Variants in ITSN1 observed in about 807,000 individuals in gnomAD.
ITSN1 encodes the protein intersectin 1.
In ITSN1, 58 loss-of-function variants were observed where a neutral mutation model predicts 239.8. The observed-to-expected ratio is 0.24, with a 90% CI of 0.20 to 0.30. The LOEUF (loss-of-function observed/expected upper bound fraction) is 0.30. Ranked by LOEUF, ITSN1 falls within the 10% of genes least tolerant of loss-of-function variation. The pLI is 1.00. For synonymous variants in ITSN1, 780 were observed against 770.8 expected (o/e 1.01, Z -0.20); for missense variants, 1,558 against 2,103.3 (o/e 0.74, Z 5.07).
chr21:33,663,695 C>T (rs2089723051), intron 1 of ITSN1, among the ~76,000 whole-genome samples: 1 of 152,166 alleles, frequency 6.6e-6, no homozygotes, highest in African/African-American at 2.4e-5. Flanking sequence ...CTCCACCTCC[C>T]AGGTTCAAGC....
chr21:33,710,655 G>A (rs149839095), intron 1 of ITSN1, among the ~76,000 whole-genome samples: 4 of 151,380 alleles, frequency 2.6e-5, no homozygotes, highest in Non-Finnish European at 5.9e-5. Context: ...TGAGGTTTTG[G>A]TATTATAGTT....
intron 1 of ITSN1, among the ~76,000 whole-genome samples, chr21:33,684,949 G>C (rs2091164868): frequency 6.6e-6 from 1 of 152,094 alleles, no homozygotes; most frequent in African/African-American, 2.4e-5. Flanking sequence ...TTTTCTTTCT[G>C]TCTAACCTTT....
chr21:33,765,829 A>T, intron 9 of ITSN1, 46 bp from the exon 10 acceptor site: 6 of 1,605,072 alleles, frequency 3.7e-6, no homozygotes, highest in Non-Finnish European at 5.1e-6. Context: ...AGTAAAAAGC[A>T]TGAATTTTCA....
chr21:33,859,249 T>G (rs1386807157), intron 31 of ITSN1, among the ~76,000 whole-genome samples: 1 of 152,190 alleles, frequency 6.6e-6, no homozygotes, highest in Non-Finnish European at 1.5e-5. Context: ...TCAGGATCAC[T>G]CCGGGAAGCT....
chr21:33,796,777 A>G (rs1199327098), intron 17 of ITSN1, among the ~76,000 whole-genome samples: 2 of 152,248 alleles, frequency 1.3e-5, no homozygotes, highest in Non-Finnish European at 1.5e-5. Context: ...AGTTTCATTT[A>G]AAGTATTTTC....
chr21:33,838,320 TCTC>T (rs1384082399), intron 29 of ITSN1: 2 of 985,250 alleles, frequency 2.0e-6, no homozygotes, highest in Admixed American at 6.1e-5. Context: ...TAGAGGTCCT[TCTC>T]CTTTCACATG....
intron 7 of ITSN1, among the ~76,000 whole-genome samples, 184 bp from the exon 8 acceptor site, chr21:33,755,113 T>C (rs1034533417): frequency 6.6e-6 from 1 of 152,180 alleles, no homozygotes; most frequent in Admixed American, 6.5e-5. Context: ...GGGAAATGTT[T>C]ATGATCTTAA....
rs1167257669 is a variant in ITSN1 at position 33,770,845 on chromosome 21, C to T, written c.1043-1216C>T. Among the ~76,000 whole-genome samples the T allele has an allele frequency of 1.7e-4, 25 of 150,004 alleles. No individual in the cohort carries two copies. The Admixed American group carries it at 1.7e-3, about 10-fold the overall frequency. ...GTGGCGCAATCTTGTCTCACTGCAA[C>T]CTCTGCCTCTCAGCTTTAAGCGATT... On this transcript the variant is annotated intron_variant, in intron 11 of 39. Coordinates refer to ENST00000381318, the MANE Select transcript of ITSN1 (RefSeq NM_003024.3).
At position 33,775,035 on chromosome 21, in the gene ITSN1, A is replaced by G; in HGVS notation, c.1523A>G (p.Gln508Arg). 6.2e-7 allele frequency: 1 copy of G among 1,614,142 alleles called. No homozygotes were observed. Among genetic ancestry groups the G allele is most frequent in the Non-Finnish European group, 8.5e-7 (1 of 1,179,966 alleles). The change falls in exon 14 of 40, where the codon CAA becomes CGA. Residue 508 changes from glutamine to arginine, a missense_variant. Gln to Arg is a conservative substitution (Grantham distance 43). Around this residue, in one of 2 missense-constraint regions of ITSN1, gnomAD observed 982 missense variants for 1,209.9 expected, o/e 0.81. Coordinates refer to ENST00000381318, the MANE Select transcript of ITSN1 (RefSeq NM_003024.3). The part of the protein sequence containing the change: ...DIRCRLTTQR[Q>R]EIESTNKSRE... ...AGATGTCGATTGACCACCCAAAGGC[A>G]AGAAATTGAGAGCACAAACAAATCT... is the stretch of plus-strand genomic sequence containing the variant.
At chr21:33,876,821 A>G (rs1983995753) in intron 34 of ITSN1, among the ~76,000 whole-genome samples, 1 of 152,162 alleles carries the variant, frequency 6.6e-6, no homozygotes, top group Non-Finnish European at 1.5e-5. Flanking sequence ...AAGGTGAGCT[A>G]TGATCACGCT....
At chr21:33,876,916 T>TATAGAC (rs1602689147) in intron 34 of ITSN1, among the ~76,000 whole-genome samples, 3 of 152,098 alleles carry the variant, frequency 2.0e-5, no homozygotes, top group Non-Finnish European at 2.9e-5. Flanking sequence ...TAGATATAGA[T>TATAGAC]ATAGAACCCA....
intron 11 of ITSN1, among the ~76,000 whole-genome samples, chr21:33,770,051 G>A (rs906223175): frequency 1.3e-5 from 2 of 150,250 alleles, no homozygotes; most frequent in African/African-American, 2.5e-5. Context: ...CACTCTCAAC[G>A]GCTAATTTTT....
chr21:33,703,845 G>A (rs2092130379), intron 1 of ITSN1, among the ~76,000 whole-genome samples: 1 of 152,090 alleles, frequency 6.6e-6, no homozygotes, highest in Non-Finnish European at 1.5e-5. Context: ...GTGCCTATTT[G>A]CCTACTTGGT....
In ITSN1 at chr21:33,655,761, G is replaced by A. The variant is rs76027001; in HGVS notation, c.-33+13048G>A. 5.3e-4 allele frequency among the ~76,000 whole-genome samples: 81 copies of A among 151,914 alleles called. 1 individual carries two copies. Among genetic ancestry groups the A allele is most frequent in the African/African-American group, 1.9e-3 (77 of 41,406 alleles). On this transcript the variant is annotated intron_variant, in intron 1 of 39. Coordinates refer to ENST00000381318, the MANE Select transcript of ITSN1 (RefSeq NM_003024.3). ...AAACAAGACTCTAAAGTGTACTGTC[G>A]AAATACCAAGAAGTTGAATCACAGA...
intron 14 of ITSN1, among the ~76,000 whole-genome samples, chr21:33,776,138 T>C (rs1602162724): frequency 6.6e-6 from 1 of 152,234 alleles, no homozygotes; most frequent in East Asian, 1.9e-4. Flanking sequence ...GTGGAACTTT[T>C]ATGAATAAAA....
At chr21:33,819,212 T>C (rs760461188) in intron 23 of ITSN1, 29 bp from the exon 24 acceptor site, 7 of 1,544,724 alleles carry the variant, frequency 4.5e-6, no homozygotes, top group Non-Finnish European at 6.2e-6. Flanking sequence ...AGATAAAAAT[T>C]AAAATACTCT....
Position 33,890,536 on chromosome 21 carries a change from T to C in ITSN1, c.*2236T>C, listed in dbSNP as rs1474591054. 1 of 152,242 alleles carries C rather than the reference T, an allele frequency of 6.6e-6. No individual in the cohort carries two copies. The highest frequency in any genetic ancestry group is 2.4e-5 in the African/African-American group (1 of 41,468). 9.4% of individuals were successfully genotyped at this position (152,242 alleles called of 1,614,324 possible). A position where few individuals can be genotyped will look rare whatever the true frequency, so the allele number is the denominator to read the frequency against. ...GCATCCTTGAGATGCTCCTGCCATG[T>C]AGCAAGTTCTGGATTAGTGTCCTTG... On this transcript the variant is annotated 3_prime_UTR_variant, in exon 40 of 40. Transcript: ENST00000381318.
chr21:33,796,887 T>G (rs1190658411), intron 17 of ITSN1, among the ~76,000 whole-genome samples: 2 of 152,216 alleles, frequency 1.3e-5, no homozygotes, highest in East Asian at 3.8e-4. Context: ...TAGATTTAAT[T>G]ACAATTATCT....
intron 5 of ITSN1, among the ~76,000 whole-genome samples, chr21:33,737,596 C>T (rs1263307941): frequency 6.6e-6 from 1 of 152,028 alleles, no homozygotes; most frequent in Non-Finnish European, 1.5e-5. Flanking sequence ...TATTTTGAGA[C>T]AGACTCTCAC....
Sources: allele counts gnomAD v4.1 joint callset (sites outside exome capture counted in the v4.1 genomes callset), GRCh38; gene constraint gnomAD v4.1.1; regional missense constraint gnomAD v4.1.1; transcripts MANE v1.5; gene names NCBI Gene and HGNC (gene_info 2026-07-23, HGNC 2026-07-21).